SLIT3: variants seen among roughly 807,000 people sequenced by gnomAD.
SLIT3 encodes slit homolog 3 protein.
SLIT3 carries 68 observed loss-of-function variants against 184.0 expected under a neutral mutation model. That is an observed-to-expected ratio of 0.37 (90% CI 0.30 to 0.45). The LOEUF (loss-of-function observed/expected upper bound fraction) is 0.45. Ranked by LOEUF, SLIT3 falls within the 20% of genes least tolerant of loss-of-function variation. SLIT3 has a pLI of 1.00. For synonymous variants in SLIT3, 831 were observed against 828.6 expected (o/e 1.00, Z -0.05); for missense variants, 1,707 against 2,026.0 (o/e 0.84, Z 3.02).
intron 3 of SLIT3, among the ~76,000 whole-genome samples, chr5:169,214,201 G>A (rs1764361058): frequency 6.6e-6 from 1 of 152,216 alleles, no homozygotes; most frequent in African/African-American, 2.4e-5. Flanking sequence ...TATAAAATAA[G>A]TGCTCAATAT....
intron 4 of SLIT3, among the ~76,000 whole-genome samples, chr5:168,921,217 G>A (rs1319188439): frequency 2.0e-5 from 3 of 152,136 alleles, no homozygotes; most frequent in Non-Finnish European, 4.4e-5. Flanking sequence ...TCCTTGCTCT[G>A]TTCTCCCCAG....
intron 23 of SLIT3, chr5:168,720,374 C>T (rs573971108): frequency 2.2e-5 from 2 of 90,774 alleles, no homozygotes; most frequent in Non-Finnish European, 6.4e-5. Context: ...CCCATCACCC[C>T]CACCACCCCA....
chr5:168,983,638 C>A (rs1351113644), intron 4 of SLIT3, among the ~76,000 whole-genome samples: 1 of 152,102 alleles, frequency 6.6e-6, no homozygotes, highest in Admixed American at 6.6e-5. Context: ...AATGGGGGAG[C>A]CTAACTCCTG....
chr5:168,979,977 G>T (rs1754895153), intron 4 of SLIT3, among the ~76,000 whole-genome samples: 1 of 151,982 alleles, frequency 6.6e-6, no homozygotes, highest in Non-Finnish European at 1.5e-5. Flanking sequence ...CGGAGAACAG[G>T]AACTGGGCAA....
chr5:168,742,312 A>C (rs1399029195), intron 20 of SLIT3, among the ~76,000 whole-genome samples: 3 of 151,532 alleles, frequency 2.0e-5, no homozygotes, highest in Admixed American at 2.0e-4. Flanking sequence ...GCATGTTTTT[A>C]TCTGCACCCA....
In SLIT3 at chr5:169,000,280, T is replaced by C. The variant is rs572456933; in HGVS notation, c.414-116944A>G. 2.3e-3 allele frequency among the ~76,000 whole-genome samples: 348 copies of C among 148,896 alleles called. 4 individuals carry two copies. The highest frequency in any genetic ancestry group is 8.1e-3 in the African/African-American group (325 of 40,140). On this transcript the variant is annotated intron_variant, in intron 4 of 35. Coordinates refer to ENST00000519560, the MANE Select transcript of SLIT3 (RefSeq NM_003062.4). ...GGTGGTGTGTGCCTGCAGTCCCAGC[T>C]ACTCGAAAGGCTGAGGCAGGAGAAT...
At chr5:169,002,453 G>C (rs553274811) in intron 4 of SLIT3, among the ~76,000 whole-genome samples, 3 of 151,102 alleles carry the variant, frequency 2.0e-5, no homozygotes, top group Non-Finnish European at 4.4e-5. Context: ...GAAGTGAAGA[G>C]TTTCAGAACT....
chr5:168,941,466 G>C (rs1762331139), intron 4 of SLIT3, among the ~76,000 whole-genome samples: 1 of 152,142 alleles, frequency 6.6e-6, no homozygotes, highest in Non-Finnish European at 1.5e-5. Context: ...AAAGTGCTTA[G>C]TGCAGTGTCT....
chr5:168,703,402 C>T (rs1233901520), intron 26 of SLIT3, among the ~76,000 whole-genome samples: 1 of 152,032 alleles, frequency 6.6e-6, no homozygotes, highest in Admixed American at 6.6e-5. Flanking sequence ...GCAGATGGGG[C>T]GGGAGCATTA....
chr5:168,692,560 C>A (rs1232773296), intron 29 of SLIT3, 47 bp downstream of exon 29: 24 of 1,347,162 alleles, frequency 1.8e-5, no homozygotes, highest in Non-Finnish European at 2.4e-5. Flanking sequence ...CTGTTAGAGG[C>A]AGAGTTTTCA....
intron 6 of SLIT3, among the ~76,000 whole-genome samples, chr5:168,831,546 AT>A: frequency 6.6e-6 from 1 of 152,336 alleles, no homozygotes; most frequent in East Asian, 1.9e-4. Flanking sequence ...AAGGGGCCTT[AT>A]TCACTGACGT....
At chr5:168,969,730 A>T (rs1051808473) in intron 4 of SLIT3, among the ~76,000 whole-genome samples, 8 of 152,228 alleles carry the variant, frequency 5.3e-5, no homozygotes, top group African/African-American at 1.2e-4. Flanking sequence ...GTTTCCATGA[A>T]CTTGCTTTCT....
intron 4 of SLIT3, among the ~76,000 whole-genome samples, chr5:169,000,476 G>C (rs559865483): frequency 9.7e-4 from 145 of 149,618 alleles, no homozygotes; most frequent in Non-Finnish European, 1.8e-3. Flanking sequence ...TTGCATCAAC[G>C]CTTAAGCCTA....
chr5:168,666,929 C>T (rs1761075759), intron 35 of SLIT3: 1 of 651,252 alleles, frequency 1.5e-6, no homozygotes, highest in East Asian at 2.9e-5. Flanking sequence ...ATGACAAAAG[C>T]AGGCTTGGTC....
chr5:169,012,193 C>T (rs2113459298), intron 4 of SLIT3: 1 of 152,234 alleles, frequency 6.6e-6, no homozygotes, highest in South Asian at 2.1e-4. Flanking sequence ...AATCCTGAAG[C>T]AAAATGGCAT....
chr5:169,156,402 T>C (rs1762306010), intron 4 of SLIT3, among the ~76,000 whole-genome samples: 1 of 152,252 alleles, frequency 6.6e-6, no homozygotes, highest in African/African-American at 2.4e-5. Context: ...AATTGATCTC[T>C]CACCCCCAAT....
At chr5:168,775,531 C>T (rs960331470) in intron 12 of SLIT3, among the ~76,000 whole-genome samples, 2 of 147,660 alleles carry the variant, frequency 1.4e-5, no homozygotes, top group Non-Finnish European at 3.0e-5. Flanking sequence ...CTCTCACACC[C>T]CCGTTTATTT....
chr5:168,919,933 T>C (rs1761582661), intron 4 of SLIT3, among the ~76,000 whole-genome samples: 1 of 152,334 alleles, frequency 6.6e-6, no homozygotes, highest in South Asian at 2.1e-4. Flanking sequence ...TGCTTTCTTC[T>C]ATTCTAGTAC....
intron 4 of SLIT3, among the ~76,000 whole-genome samples, chr5:169,099,373 A>G (rs886140092): frequency 6.6e-5 from 10 of 151,940 alleles, no homozygotes; most frequent in South Asian, 6.2e-4. Flanking sequence ...CATCCATTCA[A>G]TTGTTCATCA....
Sources: gnomAD v4.1 joint callset for allele counts (sites outside exome capture counted in the v4.1 genomes callset) on GRCh38, gnomAD v4.1.1 for gene constraint, MANE v1.5 for transcripts, NCBI Gene and HGNC (gene_info 2026-07-23, HGNC 2026-07-21) for gene names.